REEP3: variants seen among roughly 807,000 people sequenced by gnomAD.
REEP3 encodes receptor accessory protein 3.
REEP3 carries 20 observed loss-of-function variants against 41.3 expected under a neutral mutation model. The ratio of observed to expected loss-of-function variants is 0.48; its 90% confidence interval spans 0.34 to 0.70. The LOEUF is 0.70. REEP3 is among the 30% of genes least tolerant of loss of function. The pLI, the probability that REEP3 is intolerant of heterozygous loss-of-function variation, is 0.01. For missense variants in REEP3, 271 were observed against 308.8 expected, an observed-to-expected ratio of 0.88 and a Z score of 0.92; for synonymous variants, 104 against 101.8, an observed-to-expected ratio of 1.02 and a Z score of -0.13.
chr10:63,614,711 G>A (rs1956299902), intron 6 of REEP3, among the ~76,000 whole-genome samples: 1 of 152,170 alleles, frequency 6.6e-6, no homozygotes, highest in African/African-American at 2.4e-5. Context: ...TTAAGGGAAG[G>A]GAAGAGGAGT....
intron 2 of REEP3, among the ~76,000 whole-genome samples, chr10:63,573,332 G>T (rs533453339): frequency 7.2e-5 from 11 of 152,280 alleles, no homozygotes; most frequent in African/African-American, 2.6e-4. Flanking sequence ...ACTTACTGAA[G>T]AATTAGTATG....
rs150543955 is a variant in REEP3, at chr10:63,590,845, G to A, written c.106-3933G>A. Among the ~76,000 whole-genome samples the A allele has an allele frequency of 6.8e-3, 1,034 of 152,232 alleles. 10 individuals are homozygous for A. The highest frequency in any genetic ancestry group is 0.016 in the South Asian group (78 of 4,820). ...AAATACGATTTGTTCTCACTTCCCC[G>A]ATAATATATTTCTATCAATAAAGTT... On this transcript the variant is annotated intron_variant, in intron 2 of 7. Transcript: ENST00000373758.
rs559069980 is a variant in REEP3 at position 63,618,026 on chromosome 10, A to G, written c.566-1629A>G. Among the ~76,000 whole-genome samples, 7 of 151,228 alleles carry G rather than the reference A, an allele frequency of 4.6e-5. No homozygotes were observed. The East Asian group carries it at 1.4e-3, about 30-fold the overall frequency. On this transcript the variant is annotated intron_variant, in intron 6 of 7. Coordinates refer to ENST00000373758, the MANE Select transcript of REEP3 (RefSeq NM_001001330.3). ...TTTTAGTAGAGTCGGGTGTTTCACCATGTTGGCCAGGCTGGTCTCGAACTC... is the reference window on the plus strand; with the variant it reads ...TTTTAGTAGAGTCGGGTGTTTCACCGTGTTGGCCAGGCTGGTCTCGAACTC...
chr10:63,558,963 T>G (rs542150314), intron 1 of REEP3, among the ~76,000 whole-genome samples: 2 of 152,148 alleles, frequency 1.3e-5, no homozygotes, highest in Non-Finnish European at 2.9e-5. Context: ...ATTGAGTTGT[T>G]TTTAGTCCCT....
At chr10:63,576,053 A>G (rs762886970) in intron 2 of REEP3, among the ~76,000 whole-genome samples, 20 of 152,174 alleles carry the variant, frequency 1.3e-4, no homozygotes, top group Non-Finnish European at 2.1e-4. Context: ...TTCTTTCTAC[A>G]TAGTCTTTCG....
intron 1 of REEP3, among the ~76,000 whole-genome samples, chr10:63,525,078 G>A (rs1349681692): frequency 1.3e-5 from 2 of 152,116 alleles, no homozygotes; most frequent in Non-Finnish European, 2.9e-5. Context: ...TGTGGTGCTT[G>A]GCATTGAGTG....
At chr10:63,597,988 C>G in intron 3 of REEP3, 36 bp from the exon 4 acceptor site, 6 of 1,517,000 alleles carry the variant, frequency 4.0e-6, no homozygotes, top group East Asian at 2.5e-5. Context: ...GTTTGTTTTT[C>G]ACTGGCAGTT....
chr10:63,540,752 T>G (rs1955520598), intron 1 of REEP3, among the ~76,000 whole-genome samples: 1 of 152,168 alleles, frequency 6.6e-6, no homozygotes, highest in Admixed American at 6.5e-5. Flanking sequence ...GTTTTTTGTT[T>G]TGTTTTGTTT....
intron 1 of REEP3, among the ~76,000 whole-genome samples, chr10:63,524,660 G>A (rs1468744359): frequency 8.6e-5 from 13 of 152,018 alleles, no homozygotes; most frequent in Non-Finnish European, 2.9e-5. Context: ...TGGCCAGGCT[G>A]GCCTTGAACT....
chr10:63,568,945 G>A (rs1297458931), intron 2 of REEP3, among the ~76,000 whole-genome samples: 1 of 152,142 alleles, frequency 6.6e-6, no homozygotes, highest in Non-Finnish European at 1.5e-5. Flanking sequence ...TTATAGGCAT[G>A]AGCCACAGTG....
intron 3 of REEP3, among the ~76,000 whole-genome samples, chr10:63,596,469 G>A (rs1956116312): frequency 6.6e-6 from 1 of 152,092 alleles, no homozygotes; most frequent in Non-Finnish European, 1.5e-5. Flanking sequence ...TAATTGCAGT[G>A]TGGCAGAGAC....
intron 2 of REEP3, among the ~76,000 whole-genome samples, chr10:63,571,522 C>T (rs1247701821): frequency 1.3e-5 from 2 of 152,198 alleles, no homozygotes; most frequent in East Asian, 3.9e-4. Flanking sequence ...GGTTCTCTCT[C>T]TTCTGCCTCC....
At chr10:63,575,453 G>A (rs1304548612) in intron 2 of REEP3, among the ~76,000 whole-genome samples, 1 of 152,122 alleles carries the variant, frequency 6.6e-6, no homozygotes, top group Non-Finnish European at 1.5e-5. Context: ...GAGAAATTTA[G>A]TTAAAATTAT....
chr10:63,554,426 C>T (rs1051141469), intron 1 of REEP3, among the ~76,000 whole-genome samples: 3 of 152,026 alleles, frequency 2.0e-5, no homozygotes, highest in African/African-American at 7.3e-5. Context: ...GTTTAGAGAA[C>T]TTCGGAATAT....
At chr10:63,588,228 C>T (rs1311800931) in intron 2 of REEP3, among the ~76,000 whole-genome samples, 1 of 152,114 alleles carries the variant, frequency 6.6e-6, no homozygotes, top group African/African-American at 2.4e-5. Context: ...TCTATCTGTC[C>T]CAGAGGAAGA....
chr10:63,606,068 T>G (rs924894014), intron 5 of REEP3: 13 of 886,474 alleles, frequency 1.5e-5, no homozygotes, highest in Admixed American at 1.2e-4. Flanking sequence ...ACCTGGACTT[T>G]TACATTCTCA....
intron 1 of REEP3, among the ~76,000 whole-genome samples, chr10:63,549,528 C>T (rs568441749): frequency 5.1e-4 from 77 of 152,340 alleles, no homozygotes; most frequent in African/African-American, 1.8e-3. Flanking sequence ...GATGACACCA[C>T]TGTACTCCAG....
In REEP3 at chr10:63,589,785, C is replaced by CTTTTTTTTTTTTTTTTTT. The variant is rs59658061; in HGVS notation, c.106-4984_106-4967dup. Among the ~76,000 whole-genome samples, 16 of 80,834 alleles carry CTTTTTTTTTTTTTTTTTT rather than the reference C, an allele frequency of 2.0e-4. 2 individuals carry two copies. The highest frequency in any genetic ancestry group is 4.7e-4 in the East Asian group (1 of 2,106). 53.0% of individuals were successfully genotyped at this position (80,834 alleles called of 152,430 possible). ...TAATGTACTAAGAACAGCAGAACAT[C>CTTTTTTTTTTTTTTTTTT]TTTTTTTTTTTTTTTTTTTTTTTTT... On this transcript the variant is annotated intron_variant, in intron 2 of 7. Coordinates refer to ENST00000373758, the MANE Select transcript of REEP3 (RefSeq NM_001001330.3).
At chr10:63,608,232 T>C (rs1956246452) in intron 5 of REEP3, among the ~76,000 whole-genome samples, 1 of 152,224 alleles carries the variant, frequency 6.6e-6, no homozygotes, top group Non-Finnish European at 1.5e-5. Context: ...GAAGCAAGTA[T>C]AATAAATTAA....
Sources: allele counts gnomAD v4.1 joint callset (sites outside exome capture counted in the v4.1 genomes callset), GRCh38; gene constraint gnomAD v4.1.1; transcripts MANE v1.5; gene names NCBI Gene and HGNC (gene_info 2026-07-23, HGNC 2026-07-21).